The following ATP9B variants were observed in gnomAD, a reference collection of about 807,000 sequenced individuals.
The protein encoded by ATP9B is ATPase phospholipid transporting 9B.
ATP9B carries 110 observed loss-of-function variants against 146.1 expected under a neutral mutation model. The observed-to-expected ratio is 0.75, with a 90% CI of 0.65 to 0.88. The LOEUF (loss-of-function observed/expected upper bound fraction) is 0.88, where lower values mean the gene tolerates loss of function less well. ATP9B is among the 40% of genes least tolerant of loss of function. ATP9B has a pLI of 0.00. For missense variants in ATP9B, 1,499 were observed against 1,496.4 expected, an observed-to-expected ratio of 1.00 and a Z score of -0.03; for synonymous variants, 604 against 569.7, an observed-to-expected ratio of 1.06 and a Z score of -0.86.
At position 79,376,464 on chromosome 18, in the gene ATP9B, A is replaced by G. The variant is rs554407639; in HGVS notation, c.3308-783A>G. On this transcript the variant is annotated intron_variant, in intron 29 of 29. Coordinates refer to ENST00000426216, the MANE Select transcript of ATP9B (RefSeq NM_198531.5). ...AAGTGCAGTGGCACAATCTTGGCTCACTGCAACCTCTGCCTCCTGAGTTCA... is the reference window on the plus strand; with the variant it reads ...AAGTGCAGTGGCACAATCTTGGCTCGCTGCAACCTCTGCCTCCTGAGTTCA... 131 of 921,488 alleles carry G rather than the reference A, an allele frequency of 1.4e-4. 2 individuals are homozygous for G. The South Asian group carries it at 5.8e-3, about 41-fold the overall frequency. The allele number at this position is 921,488 out of a possible 1,614,324, so 57.1% of individuals were successfully genotyped here.
intron 23 of ATP9B, 106 bp downstream of exon 23, chr18:79,345,945 C>T: frequency 7.9e-7 from 1 of 1,260,466 alleles, no homozygotes; most frequent in Non-Finnish European, 1.1e-6. Flanking sequence ...GGTCAGTGCA[C>T]GTCAGCATGT....
intron 25 of ATP9B, among the ~76,000 whole-genome samples, chr18:79,355,120 T>A (rs2096943827): frequency 6.6e-6 from 1 of 152,224 alleles, no homozygotes; most frequent in Non-Finnish European, 1.5e-5. Flanking sequence ...TGGGGAGCCT[T>A]AACCCCTGCC....
chr18:79,367,865 G>C (rs1293003911), intron 26 of ATP9B, among the ~76,000 whole-genome samples: 1 of 152,268 alleles, frequency 6.6e-6, no homozygotes, highest in Non-Finnish European at 1.5e-5. Flanking sequence ...GAGCTTTGAG[G>C]AGCAGCCAGG....
intron 26 of ATP9B, chr18:79,372,599 G>A (rs756401326): frequency 2.0e-5 from 13 of 654,542 alleles, no homozygotes; most frequent in African/African-American, 5.3e-5. Flanking sequence ...CAACATGAAC[G>A]TCTAACCTCA....
intron 25 of ATP9B, among the ~76,000 whole-genome samples, chr18:79,349,761 A>T (rs942739041): frequency 6.6e-6 from 1 of 152,032 alleles, no homozygotes; most frequent in Non-Finnish European, 1.5e-5. Context: ...CAGAGCTGGC[A>T]CTTGGGTCTC....
At chr18:79,170,386 A>T (rs576992642) in intron 7 of ATP9B, among the ~76,000 whole-genome samples, 2 of 152,354 alleles carry the variant, frequency 1.3e-5, no homozygotes, top group African/African-American at 4.8e-5. Flanking sequence ...TGAAATAGTT[A>T]CAGTGTGCTT....
intron 12 of ATP9B, among the ~76,000 whole-genome samples, chr18:79,262,901 A>C (rs187720824): frequency 6.6e-6 from 1 of 152,238 alleles, no homozygotes; most frequent in Admixed American, 6.5e-5. Context: ...TTGGCTTAGA[A>C]AATATATTTT....
intron 9 of ATP9B, 102 bp from the exon 10 acceptor site, chr18:79,206,835 T>C (rs2095538834): frequency 9.3e-7 from 1 of 1,076,244 alleles, no homozygotes; most frequent in Non-Finnish European, 1.4e-6. Flanking sequence ...GCTGTTCACT[T>C]GGATTGAGCT....
chr18:79,125,029 T>C (rs776847019), intron 4 of ATP9B, among the ~76,000 whole-genome samples: 29 of 152,084 alleles, frequency 1.9e-4, no homozygotes, highest in Non-Finnish European at 3.7e-4. Flanking sequence ...TGGTGAACAA[T>C]TGGAATGCAC....
At chr18:79,193,595 ACTGT>A (rs1428018560) in intron 9 of ATP9B, among the ~76,000 whole-genome samples, 2 of 152,164 alleles carry the variant, frequency 1.3e-5, no homozygotes, top group East Asian at 1.9e-4. Flanking sequence ...CTAGCTTTTT[ACTGT>A]CTGAGTTGGG....
intron 6 of ATP9B, chr18:79,146,701 C>G (rs141998900): frequency 9.7e-6 from 2 of 205,228 alleles, no homozygotes; most frequent in Non-Finnish European, 2.0e-5. Flanking sequence ...TCCCTGACCA[C>G]GTGAGTACGC....
Position 79,308,533 on chromosome 18 carries a change from G to A in ATP9B, c.1773+1299G>A, listed in dbSNP as rs534446404. ...GAAACCTTTTGCTCAGTGGAAGAAGGCAGGTGCAGAAGGCAACCTGCATGC... is the reference window on the plus strand; with the variant it reads ...GAAACCTTTTGCTCAGTGGAAGAAGACAGGTGCAGAAGGCAACCTGCATGC... On this transcript the variant is annotated intron_variant, in intron 15 of 29. Coordinates refer to ENST00000426216, the MANE Select transcript of ATP9B (RefSeq NM_198531.5). 2.0e-5 allele frequency among the ~76,000 whole-genome samples: 3 copies of A among 152,282 alleles called. No homozygotes were observed. In the East Asian group the frequency reaches 5.8e-4, roughly 29 times the overall value.
chr18:79,197,925 A>G (rs535898525), intron 9 of ATP9B, among the ~76,000 whole-genome samples: 1 of 152,344 alleles, frequency 6.6e-6, no homozygotes, highest in South Asian at 2.1e-4. Flanking sequence ...TAGAATAAGG[A>G]CATGTAGTTT....
At chr18:79,327,956 T>TGC (rs2096767717) in intron 15 of ATP9B, among the ~76,000 whole-genome samples, 2 of 134,376 alleles carry the variant, frequency 1.5e-5, no homozygotes, top group East Asian at 4.7e-4. Context: ...GTGGTTAGCG[T>TGC]GCTCTCCGTG....
chr18:79,197,185 G>A (rs1191088225), intron 9 of ATP9B, among the ~76,000 whole-genome samples: 8 of 152,078 alleles, frequency 5.3e-5, no homozygotes, highest in South Asian at 2.1e-4. Context: ...TGAATGAAAC[G>A]ACTTTCTGCC....
chr18:79,365,350 C>T lies in ATP9B; in HGVS notation c.3012+5888C>T, dbSNP rs73490291. Among the ~76,000 whole-genome samples, 426 of 152,206 alleles carry T rather than the reference C, an allele frequency of 2.8e-3. 1 individual carries two copies. The highest frequency in any genetic ancestry group is 9.1e-3 in the African/African-American group (376 of 41,520). ...GCTAGAACAGCCGAAATACCAGCAA[C>T]GTGAAAGGCTGGGGAGGGTCCAGAG... On this transcript the variant is annotated intron_variant, in intron 26 of 29. Transcript: ENST00000426216.
chr18:79,294,969 G>A (rs575515456), intron 13 of ATP9B, among the ~76,000 whole-genome samples: 5 of 152,116 alleles, frequency 3.3e-5, no homozygotes, highest in South Asian at 2.1e-4. Flanking sequence ...AAGAACATAC[G>A]TTCCTGGATT....
At chr18:79,217,125 G>T (rs1241542068) in intron 11 of ATP9B, among the ~76,000 whole-genome samples, 1 of 152,264 alleles carries the variant, frequency 6.6e-6, no homozygotes, top group Non-Finnish European at 1.5e-5. Context: ...AAGCGCTGCT[G>T]ATAGTGAAGC....
chr18:79,100,352 T>C (rs984548687), intron 2 of ATP9B, among the ~76,000 whole-genome samples: 1 of 152,220 alleles, frequency 6.6e-6, no homozygotes, highest in African/African-American at 2.4e-5. Flanking sequence ...ACTGAGAGAC[T>C]TCATGAGTTT....
Sources: allele counts gnomAD v4.1 joint callset (sites outside exome capture counted in the v4.1 genomes callset), GRCh38; gene constraint gnomAD v4.1.1; transcripts MANE v1.5; gene names NCBI Gene and HGNC (gene_info 2026-07-23, HGNC 2026-07-21).